Variants in SCFD1 observed in about 807,000 individuals in gnomAD.
The protein encoded by SCFD1 is sec1 family domain containing 1.
A neutral mutation model predicts 103.2 loss-of-function variants in SCFD1; 37 were observed. The observed-to-expected ratio is 0.36, with a 90% CI of 0.28 to 0.47. SCFD1 has a LOEUF of 0.47. Ranked by LOEUF, SCFD1 falls within the 20% of genes least tolerant of loss-of-function variation. SCFD1 has a pLI of 1.00. For missense variants in SCFD1, 639 were observed against 761.2 expected (o/e 0.84, Z 1.89); for synonymous variants, 264 against 245.0 (o/e 1.08, Z -0.73).
chr14:30,722,606 G>C, intron 23 of SCFD1, 47 bp downstream of exon 23: 1 of 1,204,822 alleles, frequency 8.3e-7, no homozygotes, highest in Non-Finnish European at 1.2e-6. Context: ...TGGTTTCATA[G>C]GTAGAACACT....
rs1885107050 is a variant in SCFD1, at chr14:30,639,967, T to C, written c.523+103T>C. ...TAATGGACTTCAAAACCAGCTTGTTTACAGCAGTAGAGCTATAGAAGCTTT... is the reference window on the plus strand; with the variant it reads ...TAATGGACTTCAAAACCAGCTTGTTCACAGCAGTAGAGCTATAGAAGCTTT... On this transcript the variant is annotated intron_variant, in intron 6 of 24. Coordinates refer to ENST00000458591, the MANE Select transcript of SCFD1 (RefSeq NM_016106.4). The C allele has an allele frequency of 9.2e-6, 12 of 1,309,724 alleles. No individual in the cohort carries two copies. In the East Asian group the frequency reaches 3.5e-4, roughly 38 times the overall value. The allele number at this position is 1,309,724 out of a possible 1,614,324, so 81.1% of individuals were successfully genotyped here.
At chr14:30,624,089 T>C (rs1009345621) in intron 1 of SCFD1, among the ~76,000 whole-genome samples, 1 of 152,222 alleles carries the variant, frequency 6.6e-6, no homozygotes, top group Non-Finnish European at 1.5e-5. Flanking sequence ...TTGCTTTGCC[T>C]GCCTGAAAAA....
At chr14:30,682,333 G>A (rs1889555179) in intron 14 of SCFD1, among the ~76,000 whole-genome samples, 1 of 152,174 alleles carries the variant, frequency 6.6e-6, no homozygotes, top group Non-Finnish European at 1.5e-5. Context: ...CATGAGCTAA[G>A]TTCATTGTAG....
chr14:30,728,016 G>A (rs984174634), intron 23 of SCFD1, among the ~76,000 whole-genome samples: 16 of 152,140 alleles, frequency 1.1e-4, no homozygotes, highest in Non-Finnish European at 1.5e-4. Context: ...CAACTGATCC[G>A]TCTTCCTGAG....
At chr14:30,728,925 G>A (rs551126305) in intron 23 of SCFD1, among the ~76,000 whole-genome samples, 2 of 145,128 alleles carry the variant, frequency 1.4e-5, no homozygotes, top group African/African-American at 5.1e-5. Flanking sequence ...GCTCACTGCA[G>A]CCTCTGCCTC....
At chr14:30,683,279 C>A in intron 14 of SCFD1, 1 of 946,492 alleles carries the variant, frequency 1.1e-6, no homozygotes, top group South Asian at 1.6e-5. Flanking sequence ...CCCTGGGTGT[C>A]CACACTGGGA....
intron 5 of SCFD1, among the ~76,000 whole-genome samples, chr14:30,639,072 T>C (rs1401705848): frequency 1.3e-5 from 2 of 152,220 alleles, no homozygotes; most frequent in Non-Finnish European, 2.9e-5. Flanking sequence ...GTTTTCCTTC[T>C]TGTTTTGTTT....
intron 19 of SCFD1, among the ~76,000 whole-genome samples, chr14:30,711,759 G>C (rs960249255): frequency 3.9e-5 from 6 of 151,944 alleles, no homozygotes; most frequent in African/African-American, 1.4e-4. Context: ...TGGTAATAGT[G>C]TTTTGGGGTT....
intron 20 of SCFD1, among the ~76,000 whole-genome samples, chr14:30,717,157 G>A (rs779861854): frequency 2.0e-5 from 3 of 152,120 alleles, no homozygotes; most frequent in African/African-American, 4.8e-5. Flanking sequence ...CTTTAGACAG[G>A]TGCCAAATAC....
chr14:30,629,610 G>C (rs536233294), intron 2 of SCFD1, among the ~76,000 whole-genome samples: 55 of 139,382 alleles, frequency 3.9e-4, no homozygotes, highest in Non-Finnish European at 8.2e-4. Flanking sequence ...ATGGAATCTC[G>C]CTTTGTCGCC....
chr14:30,703,918 T>C (rs1891255648), intron 17 of SCFD1, among the ~76,000 whole-genome samples: 1 of 31,674 alleles, frequency 3.2e-5, no homozygotes, highest in South Asian at 9.9e-4. Flanking sequence ...TGCATATATA[T>C]ATATATATAT....
chr14:30,654,243 A>T (rs552546503), intron 10 of SCFD1, among the ~76,000 whole-genome samples: 20 of 152,250 alleles, frequency 1.3e-4, no homozygotes, highest in Non-Finnish European at 2.4e-4. Context: ...TGATAGACAG[A>T]CGTTAAAGAA....
Position 30,673,258 on chromosome 14 carries a change from C to A in SCFD1, c.997C>A (p.Pro333Thr). ...DKFWQKHKGS[P>T]FPEVAESVQQ... ...AGTTCTTGTGCAATACTGTTTTAGTCCATTCCCAGAAGTTGCAGAATCAGT... is the reference window on the plus strand; with the variant it reads ...AGTTCTTGTGCAATACTGTTTTAGTACATTCCCAGAAGTTGCAGAATCAGT... The change falls in exon 12 of 25, where the codon CCA becomes ACA. Residue 333 changes from proline (P) to threonine (T), a missense_variant and splice_region_variant. Transcript: ENST00000458591. 6.4e-7 allele frequency: 1 copy of A among 1,573,110 alleles called. No individual in the cohort carries two copies. The highest frequency in any genetic ancestry group is 2.3e-5 in the East Asian group (1 of 44,056).
At chr14:30,671,665 A>G (rs565772183) in intron 11 of SCFD1, among the ~76,000 whole-genome samples, 11 of 152,284 alleles carry the variant, frequency 7.2e-5, no homozygotes, top group Admixed American at 5.2e-4. Flanking sequence ...CATGGGCACA[A>G]AGACACTTGG....
intron 3 of SCFD1, among the ~76,000 whole-genome samples, chr14:30,631,401 A>G (rs1377580235): frequency 6.6e-6 from 1 of 152,122 alleles, no homozygotes; most frequent in Non-Finnish European, 1.5e-5. Context: ...ACTGTTGAAT[A>G]TCTCACGTAA....
At chr14:30,663,269 A>G (rs950177707) in intron 10 of SCFD1, among the ~76,000 whole-genome samples, 8 of 152,304 alleles carry the variant, frequency 5.3e-5, no homozygotes, top group Admixed American at 5.2e-4. Context: ...CTGTGTCATC[A>G]CCATGGAAAT....
chr14:30,629,576 A>AGT (rs1432223524), intron 2 of SCFD1, among the ~76,000 whole-genome samples: 3 of 145,914 alleles, frequency 2.1e-5, no homozygotes, highest in African/African-American at 7.7e-5. Context: ...TTAGGGACTT[A>AGT]ATTTTTTTTT....
chr14:30,734,495 G>A (rs536080823), intron 23 of SCFD1: 2 of 351,130 alleles, frequency 5.7e-6, no homozygotes, highest in South Asian at 3.2e-5. Flanking sequence ...ATAGGTAACT[G>A]TTGCTCCTGT....
chr14:30,693,552 T>C (rs1890470212), intron 14 of SCFD1, among the ~76,000 whole-genome samples: 1 of 152,208 alleles, frequency 6.6e-6, no homozygotes, highest in South Asian at 2.1e-4. Flanking sequence ...TTCTACCTTG[T>C]GCCTTGGCAT....
Sources: gnomAD v4.1 joint callset for allele counts (sites outside exome capture counted in the v4.1 genomes callset) on GRCh38, gnomAD v4.1.1 for gene constraint, MANE v1.5 for transcripts, NCBI Gene and HGNC (gene_info 2026-07-23, HGNC 2026-07-21) for gene names.